Variants in PHYHD1 observed in about 807,000 individuals in gnomAD.
The protein encoded by PHYHD1 is phytanoyl-CoA dioxygenase domain-containing protein 1.
PHYHD1 carries 42 observed loss-of-function variants against 43.6 expected under a neutral mutation model. That is an observed-to-expected ratio of 0.96 (90% confidence interval 0.75 to 1.25). The LOEUF (loss-of-function observed/expected upper bound fraction) is 1.25, where lower values mean the gene tolerates loss of function less well. PHYHD1 is among the 50% of genes most tolerant of loss of function. The probability of loss-of-function intolerance (pLI) is 0.00; values close to 1 mark genes in which losing one functional copy is unlikely to be tolerated. For missense variants in PHYHD1, 342 were observed against 370.8 expected, an observed-to-expected ratio of 0.92 and a Z score of 0.64; for synonymous variants, 139 against 143.6, an observed-to-expected ratio of 0.97 and a Z score of 0.23.
At position 128,941,304 on chromosome 9, in the gene PHYHD1, A is replaced by G. The variant is rs1841553020; in HGVS notation, c.704-141A>G. 3.6e-6 allele frequency: 4 copies of G among 1,120,714 alleles called. No individual in the cohort carries two copies. In the African/African-American group the frequency reaches 4.6e-5, roughly 13 times the overall value. The allele number at this position is 1,120,714 out of a possible 1,614,324, so 69.4% of individuals were successfully genotyped here. A position where few individuals can be genotyped will look rare whatever the true frequency, so the allele number is the denominator to read the frequency against. Reference sequence around the variant, plus strand: ...CTTTTGTCCCTGAGGGAGGCTGCAGATGCCTGAGCTTTCAGGGAAGGGAAT... The same window carrying G: ...CTTTTGTCCCTGAGGGAGGCTGCAGGTGCCTGAGCTTTCAGGGAAGGGAAT... On this transcript the variant is annotated intron_variant, in intron 11 of 12. Coordinates refer to ENST00000372592, the MANE Select transcript of PHYHD1 (RefSeq NM_001100876.2).
At chr9:128,935,424 A>G (rs1841398948) in intron 6 of PHYHD1, among the ~76,000 whole-genome samples, 1 of 151,322 alleles carries the variant, frequency 6.6e-6, no homozygotes, top group Non-Finnish European at 1.5e-5. Flanking sequence ...GGAGATCGAG[A>G]CCATCCTGGC....
chr9:128,931,995 C>T (rs1034169930), intron 4 of PHYHD1, among the ~76,000 whole-genome samples: 16 of 150,746 alleles, frequency 1.1e-4, no homozygotes, highest in South Asian at 2.1e-4. Flanking sequence ...CTACCACGCC[C>T]GGCTAATTTT....
At position 128,941,476 on chromosome 9, in the gene PHYHD1, A is replaced by T. The variant is rs1461047283; in HGVS notation, c.735A>T (p.Val245=). 1 of 1,613,890 alleles carries T rather than the reference A, an allele frequency of 6.2e-7. No homozygotes were observed. Among genetic ancestry groups the T allele is most frequent in the Non-Finnish European group, 8.5e-7 (1 of 1,179,996 alleles). ...TGGTCCTCATCCATGGAGAAGTGGT[A>T]CACAAGAGCAAGCAGAACCTCTCTG... The part of the protein sequence containing the change: ...GALVLIHGEV[V]HKSKQNLSDR... Residue 245 remains valine (V), a synonymous_variant, in exon 12 of 13, where the codon GTA becomes GTT. Transcript: ENST00000372592.
chr9:128,936,485 A>G lies in PHYHD1; in HGVS notation c.354A>G (p.Thr118=). The G allele has an allele frequency of 3.1e-6, 5 of 1,613,742 alleles. No individual in the cohort carries two copies. Among genetic ancestry groups the G allele is most frequent in the Non-Finnish European group, 4.2e-6 (5 of 1,179,942 alleles). Residue 118 remains threonine (T), a synonymous_variant, in exon 7 of 13, where the codon ACA becomes ACG. Transcript: ENST00000372592. The stretch of plus-strand genomic sequence containing the variant: ...ACGACCCCGTCTTCAAGAGCATCAC[A>G]CACTCCTTCAAGGTGCAGGTGAGCA... ...HAHDPVFKSI[T]HSFKVQTLAR... is the part of the protein sequence containing the mutation.
chr9:128,936,761 C>T (rs1204631184), intron 8 of PHYHD1, 116 bp downstream of exon 8: 1 of 1,206,022 alleles, frequency 8.3e-7, no homozygotes, highest in African/African-American at 1.5e-5. Context: ...GGTGGGAGAA[C>T]ATGGAAAATC....
intron 4 of PHYHD1, among the ~76,000 whole-genome samples, 192 bp downstream of exon 4, chr9:128,927,388 T>A (rs541083969): frequency 6.6e-6 from 1 of 152,168 alleles, no homozygotes; most frequent in African/African-American, 2.4e-5. Flanking sequence ...TTTTCTTTTT[T>A]CTTTTAAAAC....
In PHYHD1 at chr9:128,941,904, T is replaced by G; in HGVS notation, c.*191T>G. On this transcript the variant is annotated 3_prime_UTR_variant, in exon 13 of 13. Coordinates refer to ENST00000372592, the MANE Select transcript of PHYHD1 (RefSeq NM_001100876.2). ...TAAGATCTTCACCTCTCTGCCTCCC[T>G]ACTGCCCCAACATAGCCTTGAGGAG... 1 of 694,648 alleles carries G rather than the reference T, an allele frequency of 1.4e-6. No individual in the cohort carries two copies. Among genetic ancestry groups the G allele is most frequent in the Non-Finnish European group, 2.4e-6 (1 of 419,204 alleles). The allele number at this position is 694,648 out of a possible 1,614,324, so 43.0% of individuals were successfully genotyped here.
At chr9:128,932,169 GTTATTATTA>G (rs1181126118) in intron 4 of PHYHD1, among the ~76,000 whole-genome samples, 1 of 116,414 alleles carries the variant, frequency 8.6e-6, no homozygotes, top group Non-Finnish European at 1.6e-5. Flanking sequence ...TATTATTATT[GTTATTATTA>G]TTATTATTTT....
chr9:128,934,919 G>A (rs17455218), intron 6 of PHYHD1, among the ~76,000 whole-genome samples: 43,639 of 151,914 alleles, frequency 0.29, 7,691 homozygotes, highest in Admixed American at 0.39. Flanking sequence ...GGGTCCACCT[G>A]ATCCCCCCTA....
intron 4 of PHYHD1, among the ~76,000 whole-genome samples, chr9:128,928,894 G>T (rs7854927): frequency 0.3 from 45,566 of 151,828 alleles, 8,043 homozygotes; most frequent in Admixed American, 0.39. Flanking sequence ...CCTTGTTTGA[G>T]TTATTTTACA....
chr9:128,934,093 CGGGGAACA>C, intron 6 of PHYHD1, 35 bp downstream of exon 6: 1 of 1,600,958 alleles, frequency 6.2e-7, no homozygotes, highest in African/African-American at 1.3e-5. Flanking sequence ...GAAAGAAGAT[CGGGGAACA>C]GGCTGGGAGT....
intron 6 of PHYHD1, among the ~76,000 whole-genome samples, chr9:128,934,679 A>G (rs1484481789): frequency 3.3e-5 from 5 of 151,690 alleles, no homozygotes; most frequent in Non-Finnish European, 5.9e-5. Context: ...GAAGCGGGAG[A>G]ATAGCTTGAA....
chr9:128,936,912 C>T (rs1041047526), intron 8 of PHYHD1, among the ~76,000 whole-genome samples: 5 of 151,730 alleles, frequency 3.3e-5, no homozygotes, highest in Non-Finnish European at 7.4e-5. Flanking sequence ...GTCAGGAGTT[C>T]GAGATCAGCC....
intron 11 of PHYHD1, 82 bp from the exon 12 acceptor site, chr9:128,941,363 G>T (rs1841554547): frequency 1.3e-6 from 2 of 1,557,242 alleles, no homozygotes; most frequent in Non-Finnish European, 1.7e-6. Flanking sequence ...CCACTGGAAG[G>T]AGGAGGGCCC....
At chr9:128,922,503 C>G (rs1588242135) in intron 3 of PHYHD1, 147 bp downstream of exon 3, 2 of 956,380 alleles carry the variant, frequency 2.1e-6, no homozygotes, top group East Asian at 5.4e-5. Flanking sequence ...AACCGCAACC[C>G]CTCCTGACTT....
intron 8 of PHYHD1, 105 bp from the exon 9 acceptor site, chr9:128,937,652 G>A (rs147801997): frequency 7.5e-7 from 1 of 1,334,818 alleles, no homozygotes; most frequent in Non-Finnish European, 1.1e-6. Context: ...GGAATCCTGA[G>A]AGGAAAATGC....
chr9:128,922,289 G>T lies in PHYHD1; in HGVS notation c.-35G>T. 1 of 1,550,298 alleles carries T rather than the reference G, an allele frequency of 6.5e-7. No individual in the cohort carries two copies. The highest frequency in any genetic ancestry group is 8.7e-7 in the Non-Finnish European group (1 of 1,146,762). On this transcript the variant is annotated 5_prime_UTR_variant, in exon 3 of 13. Transcript: ENST00000372592. The stretch of plus-strand genomic sequence containing the variant: ...ACTTTCTCCTCCCCACCAGGAGGCC[G>T]CGCTTAGAAGCCGCCCAGTGCCCTG...
chr9:128,932,059 T>G (rs1841294197), intron 4 of PHYHD1, among the ~76,000 whole-genome samples: 1 of 151,316 alleles, frequency 6.6e-6, no homozygotes, highest in Non-Finnish European at 1.5e-5. Flanking sequence ...GGTCTCAAAC[T>G]CCTGACCTCG....
chr9:128,938,675 A>G (rs17481170), intron 9 of PHYHD1, among the ~76,000 whole-genome samples: 28,966 of 106,828 alleles, frequency 0.27, 5,380 homozygotes, highest in African/African-American at 0.39. Flanking sequence ...CACCCGCCTC[A>G]GCCTCCCAAA....
Sources: gnomAD v4.1 joint callset for allele counts (sites outside exome capture counted in the v4.1 genomes callset) on GRCh38, gnomAD v4.1.1 for gene constraint, MANE v1.5 for transcripts, NCBI Gene and HGNC (gene_info 2026-07-23, HGNC 2026-07-21) for gene names.